FBXO34: variants seen among roughly 807,000 people sequenced by gnomAD.
The protein encoded by FBXO34 is F-box protein 34.
In FBXO34, 12 loss-of-function variants were observed where a neutral mutation model predicts 24.5. The ratio of observed to expected loss-of-function variants is 0.49; its 90% CI spans 0.31 to 0.79. The LOEUF (loss-of-function observed/expected upper bound fraction) is 0.79, where lower values mean the gene tolerates loss of function less well. Ranked by LOEUF, FBXO34 falls within the 30% of genes least tolerant of loss-of-function variation. The probability of loss-of-function intolerance (pLI) is 0.04; values close to 1 mark genes in which losing one functional copy is unlikely to be tolerated. For synonymous variants in FBXO34, 320 were observed against 311.9 expected (o/e 1.03, Z -0.27); for missense variants, 823 against 857.7 (o/e 0.96, Z 0.51).
chr14:55,369,724 G>A (rs146416566), downstream of FBXO34: 4 of 1,612,916 alleles, frequency 2.5e-6, no homozygotes, highest in African/African-American at 4.0e-5. Context: ...ACGCCTGGGT[G>A]CTCTGACTCT....
chr14:55,440,465 T>C, the FBXO34 span: 2 of 1,611,302 alleles, frequency 1.2e-6, no homozygotes, highest in South Asian at 1.1e-5. Flanking sequence ...GTAATCCCAC[T>C]GTTGGGGGTG....
chr14:55,440,306 ATG>A, the FBXO34 span: 3 of 1,489,284 alleles, frequency 2.0e-6, no homozygotes, highest in Non-Finnish European at 2.7e-6. Flanking sequence ...TATGGTCGCT[ATG>A]AGTTTTAAGA....
At chr14:55,402,149 A>G in the FBXO34 span, among the ~76,000 whole-genome samples, 1 of 152,172 alleles carries the variant, frequency 6.6e-6, no homozygotes, top group Non-Finnish European at 1.5e-5. Context: ...AGGAATAACT[A>G]GCCTCACCGT....
At chr14:55,325,090 A>G (rs950740826) in intron 1 of FBXO34, among the ~76,000 whole-genome samples, 3 of 152,342 alleles carry the variant, frequency 2.0e-5, no homozygotes, top group African/African-American at 4.8e-5. Flanking sequence ...TTAAGTTTCA[A>G]CATATGAATT....
chr14:55,371,637 T>A (rs566917600), downstream of FBXO34, among the ~76,000 whole-genome samples: 12 of 152,140 alleles, frequency 7.9e-5, no homozygotes, highest in East Asian at 2.3e-3. Context: ...ACCCTGTCTC[T>A]ACTAAAAATA....
rs867215516 is a variant in FBXO34 at position 55,290,403 on chromosome 14, T to A, written c.-11+18866T>A. On this transcript the variant is annotated intron_variant, in intron 1 of 1. Transcript: ENST00000313833. ...TGAGACTTCTCTCAAAAAAAAAAAA[T>A]AAATAAAATAAATAAATTAATTAAT... 4.3e-4 allele frequency among the ~76,000 whole-genome samples: 64 copies of A among 149,772 alleles called. 2 individuals are homozygous for A. The East Asian group carries it at 5.5e-3, about 13-fold the overall frequency.
At chr14:55,296,391 G>GTTTTTTTTTTTTTTTTTT (rs1167344634) in intron 1 of FBXO34, among the ~76,000 whole-genome samples, 13 of 64,740 alleles carry the variant, frequency 2.0e-4, no homozygotes, top group Non-Finnish European at 3.0e-4. Context: ...TGTTTTTTTT[G>GTTTTTTTTTTTTTTTTTT]TTTTTTTTTT....
chr14:55,288,360 T>C (rs1881831991), intron 1 of FBXO34, among the ~76,000 whole-genome samples: 1 of 152,122 alleles, frequency 6.6e-6, no homozygotes, highest in Admixed American at 6.5e-5. Context: ...AATATAAAAT[T>C]ACATACACTA....
At chr14:55,284,040 T>C (rs1252839242) in intron 1 of FBXO34, among the ~76,000 whole-genome samples, 2 of 151,910 alleles carry the variant, frequency 1.3e-5, no homozygotes, top group Middle Eastern at 6.8e-3. Context: ...ATTCTTTTGC[T>C]CAGACTGCAG....
chr14:55,364,409 C>G (rs1001134217), downstream of FBXO34, among the ~76,000 whole-genome samples: 26 of 152,032 alleles, frequency 1.7e-4, no homozygotes, highest in Admixed American at 3.9e-4. Context: ...GAAAGATTGT[C>G]CCACTGGTGG....
At chr14:55,422,404 C>G in the FBXO34 span, among the ~76,000 whole-genome samples, 1 of 152,204 alleles carries the variant, frequency 6.6e-6, no homozygotes, top group Non-Finnish European at 1.5e-5. Flanking sequence ...TGCCACTATG[C>G]CCAGCTAATT....
At chr14:55,342,462 C>T (rs1055870790) in intron 1 of FBXO34, among the ~76,000 whole-genome samples, 6 of 152,100 alleles carry the variant, frequency 3.9e-5, no homozygotes, top group Admixed American at 2.6e-4. Context: ...ACTGCCTCCC[C>T]GAAAAAGTCA....
At chr14:55,421,304 G>C in the FBXO34 span, among the ~76,000 whole-genome samples, 1 of 152,004 alleles carries the variant, frequency 6.6e-6, no homozygotes, top group Non-Finnish European at 1.5e-5. Context: ...AATTTTATTG[G>C]CAGGCTTTTC....
the FBXO34 span, chr14:55,433,562 T>C: frequency 6.8e-7 from 1 of 1,461,604 alleles, no homozygotes; most frequent in South Asian, 1.2e-5. Context: ...AGCACATTAA[T>C]TCTATGCTTC....
At chr14:55,325,434 A>G (rs540215257) in intron 1 of FBXO34, among the ~76,000 whole-genome samples, 66 of 152,018 alleles carry the variant, frequency 4.3e-4, no homozygotes, top group Non-Finnish European at 6.9e-4. Context: ...TAACATGTTT[A>G]TTTTCTTTGG....
At chr14:55,293,413 C>G (rs1490711665) in intron 1 of FBXO34, among the ~76,000 whole-genome samples, 6 of 152,154 alleles carry the variant, frequency 3.9e-5, no homozygotes, top group Non-Finnish European at 8.8e-5. Flanking sequence ...TGAACTTTGA[C>G]CTCAAGGGTT....
chr14:55,351,196 T>A lies in FBXO34; in HGVS notation c.806T>A (p.Val269Asp). ...EEPTERGNLE[V>D]GEPQSEPVRV... ...CCCACAGAAAGGGGAAATCTTGAGG[T>A]TGGTGAACCACAGAGCGAACCAGTC... The change falls in exon 2 of 2, where the codon GTT (valine) becomes GAT (aspartate). Residue 269 changes from valine (V) to aspartate (D), a missense_variant. Physicochemically the swap from Val to Asp is radical, Grantham distance 152. Around this residue, in one of 2 missense-constraint regions of FBXO34, gnomAD observed 693 missense variants for 659.1 expected, o/e 1.05. Transcript: ENST00000313833. The A allele has an allele frequency of 4.3e-6, 7 of 1,614,178 alleles. No homozygotes were observed. Among genetic ancestry groups the A allele is most frequent in the Non-Finnish European group, 5.9e-6 (7 of 1,180,038 alleles).
At chr14:55,313,626 G>T (rs557738328) in intron 1 of FBXO34, among the ~76,000 whole-genome samples, 1 of 152,288 alleles carries the variant, frequency 6.6e-6, no homozygotes, top group African/African-American at 2.4e-5. Flanking sequence ...GCGAACACAG[G>T]AAACTTACAA....
At position 55,296,520 on chromosome 14, in the gene FBXO34, G is replaced by C. The variant is rs1014488812; in HGVS notation, c.-11+24983G>C. On this transcript the variant is annotated intron_variant, in intron 1 of 1. Transcript: ENST00000313833. ...AGCAATTATCCTGCATCAGCCTCCCGAGTAGCTGGAATTACAGGCGCCTGC... is the reference window on the plus strand; with the variant it reads ...AGCAATTATCCTGCATCAGCCTCCCCAGTAGCTGGAATTACAGGCGCCTGC... 4.8e-5 allele frequency among the ~76,000 whole-genome samples: 7 copies of C among 146,890 alleles called. No individual in the cohort carries two copies. The East Asian group carries it at 1.3e-3, about 27-fold the overall frequency.
Sources: allele counts gnomAD v4.1 joint callset (sites outside exome capture counted in the v4.1 genomes callset), GRCh38; gene constraint gnomAD v4.1.1; regional missense constraint gnomAD v4.1.1; transcripts MANE v1.5; gene names NCBI Gene and HGNC (gene_info 2026-07-23, HGNC 2026-07-21).